The following GRIK4 variants were observed in gnomAD, a reference collection of about 807,000 sequenced individuals.
The protein encoded by GRIK4 is glutamate receptor ionotropic, kainate 4.
GRIK4 carries 40 observed loss-of-function variants against 104.9 expected under a neutral mutation model. The ratio of observed to expected loss-of-function variants is 0.38; its 90% CI spans 0.30 to 0.50. The LOEUF (loss-of-function observed/expected upper bound fraction) is 0.50, where lower values mean the gene tolerates loss of function less well. GRIK4 is among the 20% of genes least tolerant of loss of function. The pLI is 0.93. For synonymous variants in GRIK4, 485 were observed against 524.9 expected, an observed-to-expected ratio of 0.92 and a Z score of 1.04; for missense variants, 1,047 against 1,308.1, an observed-to-expected ratio of 0.80 and a Z score of 3.08.
At chr11:120,714,119 T>G (rs1248741971) in intron 3 of GRIK4, among the ~76,000 whole-genome samples, 1 of 152,246 alleles carries the variant, frequency 6.6e-6, no homozygotes, top group East Asian at 1.9e-4. Flanking sequence ...TTGCTGTTGT[T>G]ATGACTGAGG....
At chr11:120,656,336 A>T (rs914677595) in intron 2 of GRIK4, among the ~76,000 whole-genome samples, 1 of 152,168 alleles carries the variant, frequency 6.6e-6, no homozygotes, top group African/African-American at 2.4e-5. Flanking sequence ...CTAGTCATGT[A>T]TCTTTTCTTG....
chr11:120,613,700 A>G (rs1471754780), intron 1 of GRIK4, among the ~76,000 whole-genome samples: 1 of 152,138 alleles, frequency 6.6e-6, no homozygotes, highest in Non-Finnish European at 1.5e-5. Flanking sequence ...TCTATCCTTG[A>G]TTGGAAGGTG....
At chr11:120,711,166 A>G (rs1802145442) in intron 3 of GRIK4, among the ~76,000 whole-genome samples, 1 of 152,184 alleles carries the variant, frequency 6.6e-6, no homozygotes, top group Admixed American at 6.5e-5. Context: ...CTTCCTCGAG[A>G]GACATCAAAT....
At chr11:120,647,701 G>T (rs181281797) in intron 1 of GRIK4, among the ~76,000 whole-genome samples, 1 of 152,386 alleles carries the variant, frequency 6.6e-6, no homozygotes, top group East Asian at 1.9e-4. Context: ...GGGGCGCAGG[G>T]ACATTTTTCT....
At chr11:120,543,395 G>A (rs947756614) in intron 1 of GRIK4, among the ~76,000 whole-genome samples, 3 of 152,110 alleles carry the variant, frequency 2.0e-5, no homozygotes, top group Admixed American at 6.5e-5. Flanking sequence ...CCAACATGGC[G>A]AAACCCTGTC....
chr11:120,695,411 G>A lies in GRIK4; in HGVS notation c.82+35011G>A, dbSNP rs563777903. On this transcript the variant is annotated intron_variant, in intron 3 of 20. Transcript: ENST00000527524. ...CTGTGGCTCGCCAAGGGATTGCTTC[G>A]AAGACACACATTTCATGCAGGCCCC... Among the ~76,000 whole-genome samples the A allele has an allele frequency of 5.3e-5, 8 of 152,346 alleles. No individual in the cohort carries two copies. In the South Asian group the frequency reaches 8.3e-4, roughly 16 times the overall value.
intron 3 of GRIK4, among the ~76,000 whole-genome samples, chr11:120,791,653 A>G (rs1952396700): frequency 6.6e-6 from 1 of 152,042 alleles, no homozygotes; most frequent in Non-Finnish European, 1.5e-5. Context: ...TGTGCTTTTG[A>G]TGTCATATCT....
chr11:120,849,539 C>T (rs1179576727), intron 8 of GRIK4, among the ~76,000 whole-genome samples: 18 of 152,216 alleles, frequency 1.2e-4, no homozygotes, highest in Admixed American at 1.2e-3. Flanking sequence ...ACAATAGGCG[C>T]TGCTGGCTCT....
At chr11:120,661,601 G>A (rs935286023) in intron 3 of GRIK4, among the ~76,000 whole-genome samples, 23 of 152,338 alleles carry the variant, frequency 1.5e-4, no homozygotes, top group African/African-American at 5.1e-4. Context: ...TCGGTGTGCT[G>A]GTGATGGTCA....
At chr11:120,691,650 A>C (rs1950366084) in intron 3 of GRIK4, among the ~76,000 whole-genome samples, 1 of 152,182 alleles carries the variant, frequency 6.6e-6, no homozygotes, top group Non-Finnish European at 1.5e-5. Flanking sequence ...CATTTAGGTG[A>C]GGGAATGTTT....
At chr11:120,613,481 A>C (rs539661401) in intron 1 of GRIK4, among the ~76,000 whole-genome samples, 1 of 152,308 alleles carries the variant, frequency 6.6e-6, no homozygotes, top group South Asian at 2.1e-4. Context: ...TGATGTGTGC[A>C]TGTGTTGTAC....
chr11:120,705,645 G>T (rs781204298), intron 3 of GRIK4, among the ~76,000 whole-genome samples: 1 of 152,142 alleles, frequency 6.6e-6, no homozygotes, highest in African/African-American at 2.4e-5. Context: ...CCATGAAAAC[G>T]AAATGTCTTT....
intron 3 of GRIK4, among the ~76,000 whole-genome samples, chr11:120,719,173 A>G (rs996971895): frequency 6.6e-5 from 10 of 152,246 alleles, no homozygotes; most frequent in Non-Finnish European, 1.0e-4. Context: ...ATTCTTCTGC[A>G]GAGACACCAT....
chr11:120,979,632 G>C (rs1944617675), intron 19 of GRIK4, among the ~76,000 whole-genome samples: 1 of 152,180 alleles, frequency 6.6e-6, no homozygotes, highest in Non-Finnish European at 1.5e-5. Context: ...TTCAAGGAGG[G>C]AGAAACATGA....
chr11:120,660,214 G>T, intron 2 of GRIK4, 55 bp from the exon 3 acceptor site: 1 of 763,232 alleles, frequency 1.3e-6, no homozygotes, highest in Non-Finnish European at 2.3e-6. Flanking sequence ...GGATGGTGGG[G>T]CAGCTGCCTA....
At chr11:120,945,165 T>TGAAAA (rs1479307290) in intron 14 of GRIK4, among the ~76,000 whole-genome samples, 1 of 152,214 alleles carries the variant, frequency 6.6e-6, no homozygotes, top group Non-Finnish European at 1.5e-5. Context: ...AGCCCCTTCC[T>TGAAAA]GCCTCCTCAT....
Position 120,852,736 on chromosome 11 carries a change from C to T in GRIK4, c.745-9223C>T, listed in dbSNP as rs771814157. Among the ~76,000 whole-genome samples the T allele has an allele frequency of 1.1e-4, 16 of 152,172 alleles. No homozygotes were observed. In the East Asian group the frequency reaches 1.5e-3, roughly 15 times the overall value. On this transcript the variant is annotated intron_variant, in intron 8 of 20. Coordinates refer to ENST00000527524, the MANE Select transcript of GRIK4 (RefSeq NM_014619.5). ...GCTTTGATGCAGATAAATAGACAGACGGGTACCGCAGTCAAGTGGGCTCAG... is the reference window on the plus strand; with the variant it reads ...GCTTTGATGCAGATAAATAGACAGATGGGTACCGCAGTCAAGTGGGCTCAG...
chr11:120,660,012 G>A (rs759472906), intron 2 of GRIK4, among the ~76,000 whole-genome samples: 20 of 152,200 alleles, frequency 1.3e-4, no homozygotes, highest in Non-Finnish European at 2.6e-4. Flanking sequence ...GATTACAGGC[G>A]TGAGCCACTG....
chr11:120,943,675 T>A (rs1039905193), intron 14 of GRIK4, among the ~76,000 whole-genome samples: 1 of 152,274 alleles, frequency 6.6e-6, no homozygotes, highest in Admixed American at 6.5e-5. Flanking sequence ...TAATCACATT[T>A]ATGATCTATA....
Sources: gnomAD v4.1 joint callset for allele counts (sites outside exome capture counted in the v4.1 genomes callset) on GRCh38, gnomAD v4.1.1 for gene constraint, MANE v1.5 for transcripts, NCBI Gene and HGNC (gene_info 2026-07-23, HGNC 2026-07-21) for gene names.